The following AFG2A variants were observed in gnomAD, a reference collection of about 807,000 sequenced individuals.
AFG2A encodes the protein ATPase family gene 2 protein homolog A.
the AFG2A span, among the ~76,000 whole-genome samples, chr4:123,252,624 TTTTA>T: frequency 2.0e-5 from 3 of 152,234 alleles, no homozygotes; most frequent in African/African-American, 7.2e-5. Flanking sequence ...TATTAATCCC[TTTTA>T]TTTAGTTTCA....
chr4:123,267,404 T>G, the AFG2A span, among the ~76,000 whole-genome samples: 2 of 152,076 alleles, frequency 1.3e-5, no homozygotes, highest in Non-Finnish European at 2.9e-5. Flanking sequence ...TTTATATTTA[T>G]AGCAAAGTTT....
the AFG2A span, among the ~76,000 whole-genome samples, chr4:123,076,234 C>A: frequency 6.6e-6 from 1 of 152,076 alleles, no homozygotes. Context: ...CACCACTGCA[C>A]TCCAGTCTGG....
chr4:123,002,828 T>C, the AFG2A span, among the ~76,000 whole-genome samples: 3 of 152,320 alleles, frequency 2.0e-5, no homozygotes, highest in African/African-American at 7.2e-5. Flanking sequence ...GTTGTCTGTA[T>C]TTCCTGAATC....
At chr4:123,068,435 A>G in the AFG2A span, among the ~76,000 whole-genome samples, 2 of 152,176 alleles carry the variant, frequency 1.3e-5, no homozygotes, top group African/African-American at 4.8e-5. Context: ...CAAAGAGCAA[A>G]TTGGAAAAGT....
the AFG2A span, among the ~76,000 whole-genome samples, chr4:123,268,123 A>G: frequency 1.1e-4 from 16 of 152,068 alleles, 1 homozygote. Context: ...ATTGAAAACT[A>G]AGGACCACTA....
chr4:122,998,480 G>A, the AFG2A span, among the ~76,000 whole-genome samples: 2 of 149,836 alleles, frequency 1.3e-5, no homozygotes, highest in South Asian at 4.3e-4. Flanking sequence ...CCCCACAACA[G>A]TCCCCAGAGT....
chr4:123,018,351 T>G, the AFG2A span, among the ~76,000 whole-genome samples: 1 of 152,208 alleles, frequency 6.6e-6, no homozygotes, highest in Admixed American at 6.5e-5. Context: ...TAAAAATAAT[T>G]TAGACTATAT....
At chr4:123,058,858 TC>T in the AFG2A span, among the ~76,000 whole-genome samples, 2 of 152,188 alleles carry the variant, frequency 1.3e-5, no homozygotes, top group Non-Finnish European at 2.9e-5. Flanking sequence ...TCAGAATCAT[TC>T]ATGCCTTCTC....
the AFG2A span, among the ~76,000 whole-genome samples, chr4:123,035,628 T>G: frequency 6.6e-6 from 1 of 152,154 alleles, no homozygotes; most frequent in Admixed American, 6.6e-5. Flanking sequence ...TCATTATTTG[T>G]ACAGTATACT....
chr4:123,138,681 T>G, the AFG2A span, among the ~76,000 whole-genome samples: 1 of 152,070 alleles, frequency 6.6e-6, no homozygotes, highest in Non-Finnish European at 1.5e-5. Context: ...CAGCGTACAC[T>G]TAACATTTGG....
At chr4:122,951,445 C>T in the AFG2A span, among the ~76,000 whole-genome samples, 2 of 151,364 alleles carry the variant, frequency 1.3e-5, no homozygotes, top group African/African-American at 4.8e-5. Flanking sequence ...CACACACACA[C>T]ACACACACAC....
the AFG2A span, among the ~76,000 whole-genome samples, chr4:122,975,539 A>G: frequency 6.6e-6 from 1 of 152,184 alleles, no homozygotes; most frequent in Admixed American, 6.5e-5. Flanking sequence ...AGAATATTGC[A>G]GCAACATAAT....
chr4:123,104,802 C>T, the AFG2A span, among the ~76,000 whole-genome samples: 11 of 152,220 alleles, frequency 7.2e-5, no homozygotes, highest in Non-Finnish European at 8.8e-5. Context: ...TCTGTGAAGG[C>T]GGAGAAAGGT....
the AFG2A span, among the ~76,000 whole-genome samples, chr4:123,003,627 A>C: frequency 6.6e-6 from 1 of 152,024 alleles, no homozygotes; most frequent in African/African-American, 2.4e-5. Flanking sequence ...GTGCATTTTC[A>C]TGATCTGCAA....
the AFG2A span, among the ~76,000 whole-genome samples, chr4:123,166,574 T>C: frequency 6.6e-6 from 1 of 152,184 alleles, no homozygotes. Flanking sequence ...TAAATTATAC[T>C]TTTGATAGGG....
chr4:122,930,739 A>G, the AFG2A span, among the ~76,000 whole-genome samples: 6 of 152,230 alleles, frequency 3.9e-5, no homozygotes, highest in African/African-American at 7.2e-5. Context: ...TCCTCAGACT[A>G]TGTCTTAAAA....
At chr4:123,109,242 C>T in the AFG2A span, among the ~76,000 whole-genome samples, 1 of 152,066 alleles carries the variant, frequency 6.6e-6, no homozygotes, top group African/African-American at 2.4e-5. Flanking sequence ...TCTATACTCC[C>T]AGGAAAATTT....
chr4:122,924,252 G>GCTC, the AFG2A span, among the ~76,000 whole-genome samples: 1 of 152,082 alleles, frequency 6.6e-6, no homozygotes, highest in Non-Finnish European at 1.5e-5. Context: ...CAGAACAAAA[G>GCTC]CTCCACATTT....
chr4:123,033,588 G>T, the AFG2A span, among the ~76,000 whole-genome samples: 1 of 152,162 alleles, frequency 6.6e-6, no homozygotes, highest in Non-Finnish European at 1.5e-5. Flanking sequence ...AAAGATACAG[G>T]AAACTGTTCA....
Sources: allele counts gnomAD v4.1 joint callset (sites outside exome capture counted in the v4.1 genomes callset), GRCh38; gene constraint gnomAD v4.1.1; transcripts MANE v1.5; gene names NCBI Gene and HGNC (gene_info 2026-07-23, HGNC 2026-07-21).